The following ODAD2 variants were observed in gnomAD, a reference collection of about 807,000 sequenced individuals.
ODAD2 encodes outer dynein arm docking complex subunit 2.
A neutral mutation model predicts 106.8 loss-of-function variants in ODAD2; 89 were observed. That is an observed-to-expected ratio of 0.83 (90% confidence interval 0.70 to 0.99). ODAD2 has a LOEUF of 0.99. Ranked by LOEUF, ODAD2 falls within the 50% of genes least tolerant of loss-of-function variation. ODAD2 has a pLI of 0.00. For synonymous variants in ODAD2, 404 were observed against 436.2 expected (o/e 0.93, Z 0.92); for missense variants, 1,168 against 1,238.5 (o/e 0.94, Z 0.85).
intron 14 of ODAD2, 53 bp from the exon 15 acceptor site, chr10:27,936,933 C>CAAGG: frequency 6.5e-7 from 1 of 1,534,630 alleles, no homozygotes; most frequent in Non-Finnish European, 8.7e-7. Context: ...ATCAAGCTTT[C>CAAGG]AATGATGCTA....
chr10:27,948,779 ATTTTTTTTTTT>A (rs11451204), intron 10 of ODAD2, among the ~76,000 whole-genome samples: 7 of 40,320 alleles, frequency 1.7e-4, no homozygotes, highest in Non-Finnish European at 2.1e-4. Flanking sequence ...TGGCCTTTGG[ATTTTTTTTTTT>A]TTTTTTTTTT....
intron 10 of ODAD2, among the ~76,000 whole-genome samples, chr10:27,960,209 C>T (rs1420963200): frequency 1.3e-5 from 2 of 151,438 alleles, no homozygotes; most frequent in African/African-American, 2.4e-5. Context: ...TTGGTAAAAT[C>T]ATTAGGAGCC....
chr10:27,997,205 T>C (rs1232640941), intron 1 of ODAD2, among the ~76,000 whole-genome samples: 1 of 152,216 alleles, frequency 6.6e-6, no homozygotes, highest in East Asian at 1.9e-4. Context: ...TGCTAACCGA[T>C]GAGAAATGCT....
chr10:27,835,760 A>G (rs1297250586), intron 19 of ODAD2, among the ~76,000 whole-genome samples: 1 of 152,156 alleles, frequency 6.6e-6, no homozygotes, highest in Non-Finnish European at 1.5e-5. Context: ...CACTGTCTGT[A>G]CTAAAAATAC....
At chr10:27,826,901 A>G (rs73604079) in intron 19 of ODAD2, among the ~76,000 whole-genome samples, 5,871 of 151,326 alleles carry the variant, frequency 0.039, 138 homozygotes, top group African/African-American at 0.063. Context: ...TCCAGCTACC[A>G]CTTTCCAGCT....
intron 9 of ODAD2, among the ~76,000 whole-genome samples, chr10:27,968,247 G>A (rs1467406268): frequency 6.9e-6 from 1 of 144,742 alleles, no homozygotes; most frequent in Non-Finnish European, 1.5e-5. Context: ...ATTAGCAGAA[G>A]AATAGGACAG....
intron 19 of ODAD2, among the ~76,000 whole-genome samples, chr10:27,845,884 A>G (rs1231930928): frequency 6.6e-6 from 1 of 152,238 alleles, no homozygotes; most frequent in Non-Finnish European, 1.5e-5. Context: ...TATCCTAAAT[A>G]TATATGCACC....
intron 17 of ODAD2, 46 bp downstream of exon 17, chr10:27,907,617 T>G (rs1190874509): frequency 7.4e-7 from 1 of 1,347,752 alleles, no homozygotes; most frequent in East Asian, 2.3e-5. Flanking sequence ...TTTTTCAGTA[T>G]AGTATTAGAG....
At chr10:27,912,980 G>C (rs957084568) in intron 16 of ODAD2, among the ~76,000 whole-genome samples, 1 of 152,190 alleles carries the variant, frequency 6.6e-6, no homozygotes, top group Non-Finnish European at 1.5e-5. Context: ...TGTGAATGTG[G>C]CAGTCTTGGG....
intron 17 of ODAD2, among the ~76,000 whole-genome samples, chr10:27,875,413 T>G (rs1455451494): frequency 6.6e-6 from 1 of 152,208 alleles, no homozygotes; most frequent in Non-Finnish European, 1.5e-5. Context: ...TGCGTTCCTT[T>G]GGAGGGGGAG....
chr10:27,889,101 G>A (rs1842406274), intron 17 of ODAD2, among the ~76,000 whole-genome samples: 1 of 152,178 alleles, frequency 6.6e-6, no homozygotes, highest in Non-Finnish European at 1.5e-5. Context: ...GCCAAATCTA[G>A]TTCACTTCTT....
At chr10:27,821,267 A>G (rs1836588405) in intron 19 of ODAD2, among the ~76,000 whole-genome samples, 1 of 145,034 alleles carries the variant, frequency 6.9e-6, no homozygotes, top group Admixed American at 6.7e-5. Context: ...TTTGCCGCTA[A>G]CTAACTGTAT....
rs117100960 is a variant in ODAD2, at chr10:27,884,056, A to T, written c.2611-21434T>A. 5.4e-3 allele frequency among the ~76,000 whole-genome samples: 825 copies of T among 152,268 alleles called. 2 individuals carry two copies. Among genetic ancestry groups the T allele is most frequent in the Admixed American group, 8.8e-3 (134 of 15,278 alleles). On this transcript the variant is annotated intron_variant, in intron 17 of 19. Transcript: ENST00000305242. ...AAAAGTTCTCCAAATTTGATGAGAA[A>T]CTTTACATATGCAAGTATCTTAATG...
intron 9 of ODAD2, among the ~76,000 whole-genome samples, chr10:27,967,889 C>CAAAT (rs1363190733): frequency 1.3e-5 from 2 of 149,532 alleles, no homozygotes; most frequent in African/African-American, 2.5e-5. Context: ...GACTCTGTCT[C>CAAAT]AAATAAATAA....
chr10:27,918,464 T>C (rs6481492), intron 16 of ODAD2, among the ~76,000 whole-genome samples: 24,457 of 151,768 alleles, frequency 0.16, 2,990 homozygotes, highest in African/African-American at 0.34. Context: ...ATCATCTCAA[T>C]AGATAAAAAG....
At chr10:27,911,091 A>G (rs1224506171) in intron 16 of ODAD2, among the ~76,000 whole-genome samples, 2 of 152,174 alleles carry the variant, frequency 1.3e-5, no homozygotes, top group East Asian at 3.9e-4. Context: ...CAAAAGGAAC[A>G]TCGCCGCCGT....
chr10:27,987,784 T>G (rs573400750), intron 2 of ODAD2, among the ~76,000 whole-genome samples: 1 of 152,152 alleles, frequency 6.6e-6, no homozygotes, highest in South Asian at 2.1e-4. Flanking sequence ...TTTTTTTTTT[T>G]TTTAGCAATT....
intron 9 of ODAD2, among the ~76,000 whole-genome samples, chr10:27,965,940 T>G (rs962753164): frequency 2.0e-5 from 3 of 152,216 alleles, no homozygotes; most frequent in African/African-American, 7.2e-5. Context: ...TTATATCAAT[T>G]CATTCTCATT....
chr10:27,871,951 T>A (rs994384114), intron 17 of ODAD2, among the ~76,000 whole-genome samples: 4 of 152,228 alleles, frequency 2.6e-5, no homozygotes, highest in Non-Finnish European at 5.9e-5. Flanking sequence ...TTGGGCAGTA[T>A]GGCCATTTTC....
Sources: allele counts gnomAD v4.1 joint callset (sites outside exome capture counted in the v4.1 genomes callset), GRCh38; gene constraint gnomAD v4.1.1; transcripts MANE v1.5; gene names NCBI Gene and HGNC (gene_info 2026-07-23, HGNC 2026-07-21).